PXN: variants seen among roughly 807,000 people sequenced by gnomAD.
PXN encodes testicular tissue protein Li 134.
PXN carries 61 observed loss-of-function variants against 103.6 expected under a neutral mutation model. That is an observed-to-expected ratio of 0.59 (90% CI 0.48 to 0.73). The LOEUF is 0.73. PXN is among the 30% of genes least tolerant of loss of function. The pLI is 0.00. For synonymous variants in PXN, 562 were observed against 607.8 expected, an observed-to-expected ratio of 0.92 and a Z score of 1.11; for missense variants, 1,274 against 1,460.3, an observed-to-expected ratio of 0.87 and a Z score of 2.08.
chr12:120,221,821 G>A lies in PXN; in HGVS notation c.696-63C>T. The A allele has an allele frequency of 1.3e-6, 2 of 1,497,474 alleles. No individual in the cohort carries two copies. The highest frequency in any genetic ancestry group is 1.8e-6 in the Non-Finnish European group (2 of 1,119,800). The allele number at this position is 1,497,474 out of a possible 1,614,324, so 92.8% of individuals were successfully genotyped here. A position where few individuals can be genotyped will look rare whatever the true frequency, so the allele number is the denominator to read the frequency against. On this transcript the variant is annotated intron_variant, in intron 5 of 14. Coordinates refer to ENST00000637617, the MANE Select transcript of PXN (RefSeq NM_001385981.1). This position sits in a 1 kb window ranked among gnomAD's most constrained non-coding sequence, Gnocchi z 6.6. ...TCAGCCCCACACTTCCCGGGGATCAGATCGACCTCTCACCTCGGACACTGG... is the reference window on the plus strand; with the variant it reads ...TCAGCCCCACACTTCCCGGGGATCAAATCGACCTCTCACCTCGGACACTGG...
chr12:120,265,637 C>A lies in PXN; in HGVS notation c.-8G>T. The stretch of plus-strand genomic sequence containing the variant: ...CTCACCGAGGTCGTCCATGGCCGGA[C>A]CACGGGCGCCGGCTCAGGGTCGCGC... On this transcript the variant is annotated 5_prime_UTR_variant, in exon 1 of 15. Transcript: ENST00000637617. The surrounding 1 kb of genome is among the most constrained non-coding windows in gnomAD (Gnocchi z 5.7). 6.8e-7 allele frequency: 1 copy of A among 1,476,582 alleles called. No homozygotes were observed. The highest frequency in any genetic ancestry group is 8.9e-7 in the Non-Finnish European group (1 of 1,119,026). 91.5% of individuals were successfully genotyped at this position (1,476,582 alleles called of 1,614,324 possible). A position where few individuals can be genotyped will look rare whatever the true frequency, so the allele number is the denominator to read the frequency against.
At chr12:120,238,551 A>C (rs1889556663) in intron 1 of PXN, among the ~76,000 whole-genome samples, 1 of 152,208 alleles carries the variant, frequency 6.6e-6, no homozygotes, top group Non-Finnish European at 1.5e-5. Context: ...GGCTCCGCAA[A>C]TCCAGCCCAG....
rs373405640 is a variant in PXN at position 120,232,841 on chromosome 12, C to T, written c.14-8464G>A. Among the ~76,000 whole-genome samples the T allele has an allele frequency of 1.2e-4, 18 of 152,308 alleles. No individual in the cohort carries two copies. The East Asian group carries it at 1.4e-3, about 11-fold the overall frequency. On this transcript the variant is annotated intron_variant, in intron 1 of 14. Coordinates refer to ENST00000637617, the MANE Select transcript of PXN (RefSeq NM_001385981.1). Reference sequence around the variant, plus strand: ...TGGATTTCATAGCATTAGTTACCCACTCTTTGCTAATCAGGTTCTCACTAA... The same window carrying T: ...TGGATTTCATAGCATTAGTTACCCATTCTTTGCTAATCAGGTTCTCACTAA...
intron 1 of PXN, among the ~76,000 whole-genome samples, chr12:120,252,260 G>C (rs1892311366): frequency 6.6e-6 from 1 of 152,220 alleles, no homozygotes; most frequent in African/African-American, 2.4e-5. Flanking sequence ...GAACAGCACA[G>C]TGCTTGGTGG....
chr12:120,247,079 G>C (rs1168618164), intron 1 of PXN, among the ~76,000 whole-genome samples: 1 of 151,940 alleles, frequency 6.6e-6, no homozygotes, highest in Non-Finnish European at 1.5e-5. Context: ...AGAATAAACA[G>C]ATGGCACAAA....
chr12:120,252,502 T>G (rs1338970351), intron 1 of PXN, among the ~76,000 whole-genome samples: 1 of 152,126 alleles, frequency 6.6e-6, no homozygotes, highest in Non-Finnish European at 1.5e-5. Flanking sequence ...TTTCTGCAAC[T>G]TGAACCAACA....
rs1293575465 is a variant in PXN at position 120,217,061 on chromosome 12, C to T, written c.1772G>A (p.Arg591Gln). 8.2e-6 allele frequency: 13 copies of T among 1,591,388 alleles called. No individual in the cohort carries two copies. In the East Asian group the frequency reaches 1.3e-4, roughly 16 times the overall value. The stretch of plus-strand genomic sequence containing the variant: ...CAGCCGGCGGCGAGGGGAGGGCTCC[C>T]GGGACATGGGGTGTGCGTGGCCAGA... ...WESGHAHPMS[R>Q]EPSPRRRLDP... Residue 591 changes from arginine to glutamine, a missense_variant, in exon 8 of 15, where the codon CGG (arginine) becomes CAG (glutamine). Physicochemically the swap from Arg to Gln is conservative, Grantham distance 43. Coordinates refer to ENST00000637617, the MANE Select transcript of PXN (RefSeq NM_001385981.1). This position sits in a 1 kb window ranked among gnomAD's most constrained non-coding sequence, Gnocchi z 4.1.
chr12:120,223,327 G>C (rs1885799271), intron 3 of PXN, among the ~76,000 whole-genome samples: 1 of 152,102 alleles, frequency 6.6e-6, no homozygotes, highest in Non-Finnish European at 1.5e-5. Context: ...CCAGCTACTT[G>C]GGAGGCTGAG....
At position 120,215,871 on chromosome 12, in the gene PXN, CG is replaced by C; in HGVS notation, c.2302-211del. On this transcript the variant is annotated intron_variant, in intron 9 of 14. Coordinates refer to ENST00000637617, the MANE Select transcript of PXN (RefSeq NM_001385981.1). The surrounding 1 kb of genome is among the most constrained non-coding windows in gnomAD (Gnocchi z 4.9). ...AAGGAAGAAGGACAGGGAGGGGAGTCGACCAAAGGCAGAGGAAATGGCAAGG... is the reference window on the plus strand; with the variant it reads ...AAGGAAGAAGGACAGGGAGGGGAGTCACCAAAGGCAGAGGAAATGGCAAGG... 1 of 1,323,674 alleles carries C rather than the reference CG, an allele frequency of 7.6e-7. No individual in the cohort carries two copies. Among genetic ancestry groups the C allele is most frequent in the Non-Finnish European group, 9.8e-7 (1 of 1,015,946 alleles). The allele number at this position is 1,323,674 out of a possible 1,614,324, so 82.0% of individuals were successfully genotyped here. A position where few individuals can be genotyped will look rare whatever the true frequency, so the allele number is the denominator to read the frequency against.
At chr12:120,245,372 G>A (rs1192671402) in intron 1 of PXN, among the ~76,000 whole-genome samples, 1 of 151,718 alleles carries the variant, frequency 6.6e-6, no homozygotes, top group Non-Finnish European at 1.5e-5. Flanking sequence ...CACAGGCAGG[G>A]AAACTAGCCA....
At chr12:120,251,022 G>T (rs777489109) in intron 1 of PXN, among the ~76,000 whole-genome samples, 1 of 152,078 alleles carries the variant, frequency 6.6e-6, no homozygotes, top group Admixed American at 6.6e-5. Context: ...TGGCCAACAT[G>T]GCGAAACCCC....
chr12:120,262,534 G>C (rs969187517), intron 1 of PXN, among the ~76,000 whole-genome samples: 3 of 152,148 alleles, frequency 2.0e-5, no homozygotes, highest in Admixed American at 2.0e-4. Context: ...CCTGAGCTCA[G>C]GTTTCCACAT....
intron 1 of PXN, among the ~76,000 whole-genome samples, chr12:120,239,391 G>A (rs1032228782): frequency 2.6e-5 from 4 of 152,298 alleles, no homozygotes; most frequent in Admixed American, 6.5e-5. Flanking sequence ...GACCAGCCTG[G>A]CCAGCATGGT....
rs201921559 is a variant in PXN, at chr12:120,221,714, C to T, written c.740G>A (p.Arg247His). Residue 247 changes from arginine (R) to histidine (H), a missense_variant, in exon 6 of 15, where the codon CGC (arginine) becomes CAC (histidine). Physicochemically the swap from Arg to His is conservative, Grantham distance 29. This residue lies in a region of PXN where 1,178 missense variants were observed against 1,309.0 expected (regional missense o/e 0.90). Transcript: ENST00000637617. The surrounding 1 kb of genome is among the most constrained non-coding windows in gnomAD (Gnocchi z 6.6). ...VNQGEMSSPQRVTSTQQQTRI... is the reference protein window; with the variant it reads ...VNQGEMSSPQHVTSTQQQTRI... The stretch of plus-strand genomic sequence containing the variant: ...TGTCTGCTGTTGGGTGGAGGTGACG[C>T]GCTGCGGGCTGCTCATCTCGCCCTG... 26 of 1,572,248 alleles carry T rather than the reference C, an allele frequency of 1.7e-5. No homozygotes were observed. The Admixed American group carries it at 2.4e-4, about 15-fold the overall frequency.
rs1427255085 is a variant in PXN at position 120,220,059 on chromosome 12, C to G, written c.864G>C (p.Pro288=). The G allele has an allele frequency of 7.1e-7, 1 of 1,416,314 alleles. No homozygotes were observed. The highest frequency in any genetic ancestry group is 2.3e-5 in the East Asian group (1 of 43,362). The allele number at this position is 1,416,314 out of a possible 1,614,324, so 87.7% of individuals were successfully genotyped here. The change falls in exon 7 of 15, where the codon CCG becomes CCC. Residue 288 remains proline, a synonymous_variant. Transcript: ENST00000637617. The surrounding 1 kb of genome is among the most constrained non-coding windows in gnomAD (Gnocchi z 6.1). The stretch of plus-strand genomic sequence containing the variant: ...AGGACGGAGCAGAGCTGGACAGCCC[C>G]GGGGCACTCAGAGCCACAGTGGAGG... ...TSSSTVALSA[P]GLSSSAPSSY... is the part of the protein sequence containing the mutation.
At chr12:120,255,504 G>A (rs1460459139) in intron 1 of PXN, among the ~76,000 whole-genome samples, 6 of 152,056 alleles carry the variant, frequency 3.9e-5, no homozygotes, top group African/African-American at 7.2e-5. Flanking sequence ...GACCAGCCTG[G>A]CCACTATGGT....
In PXN at chr12:120,216,976, C is replaced by A; in HGVS notation, c.1857G>T (p.Gly619=). ...CTGCCTCAGGCTGGATGCCCAGCCG[C>A]CCCTGCAGCTCCGCGATGAGCTGTT... ...SQEQLIAELQ[G]RLGIQPEAEE... is the part of the protein sequence containing the mutation. Residue 619 remains glycine, a synonymous_variant, in exon 8 of 15, where the codon GGG becomes GGT. Coordinates refer to ENST00000637617, the MANE Select transcript of PXN (RefSeq NM_001385981.1). This position sits in a 1 kb window ranked among gnomAD's most constrained non-coding sequence, Gnocchi z 5.1. 2 of 1,546,524 alleles carry A rather than the reference C, an allele frequency of 1.3e-6. No homozygotes were observed. Among genetic ancestry groups the A allele is most frequent in the Non-Finnish European group, 1.7e-6 (2 of 1,152,730 alleles).
In PXN at chr12:120,217,988, T is replaced by G. The variant is rs1431436194; in HGVS notation, c.1717-872A>C. Among the ~76,000 whole-genome samples the G allele has an allele frequency of 4.6e-5, 7 of 151,758 alleles. No homozygotes were observed. The South Asian group carries it at 1.0e-3, about 22-fold the overall frequency. ...GCTATTATACTTGTTGGTAGTGTTTTGGGGGTTTTTGGTTGTTTCGTTTTG... is the reference window on the plus strand; with the variant it reads ...GCTATTATACTTGTTGGTAGTGTTTGGGGGGTTTTTGGTTGTTTCGTTTTG... On this transcript the variant is annotated intron_variant, in intron 7 of 14. Coordinates refer to ENST00000637617, the MANE Select transcript of PXN (RefSeq NM_001385981.1). This position sits in a 1 kb window ranked among gnomAD's most constrained non-coding sequence, Gnocchi z 4.1.
intron 1 of PXN, among the ~76,000 whole-genome samples, chr12:120,237,148 T>TAC (rs201905149): frequency 0.062 from 8,550 of 137,492 alleles, 381 homozygotes; most frequent in African/African-American, 0.14. Context: ...TGTGTGTGTA[T>TAC]ACACACACAC....
Sources: allele counts gnomAD v4.1 joint callset (sites outside exome capture counted in the v4.1 genomes callset), GRCh38; gene constraint gnomAD v4.1.1; regional missense constraint gnomAD v4.1.1; non-coding constraint Gnocchi (gnomAD v3.1); transcripts MANE v1.5; gene names NCBI Gene and HGNC (gene_info 2026-07-23, HGNC 2026-07-21).